Variants in NELL1 observed in about 807,000 individuals in gnomAD.
NELL1 encodes the protein neural EGFL like 1.
NELL1 carries 76 observed loss-of-function variants against 107.4 expected under a neutral mutation model. The observed-to-expected ratio is 0.71, with a 90% CI of 0.59 to 0.86. The LOEUF (loss-of-function observed/expected upper bound fraction) is 0.86, where lower values mean the gene tolerates loss of function less well. Among genes scored for constraint, NELL1 ranks in the 40% least tolerant of loss-of-function variants. The pLI, the probability that NELL1 is intolerant of heterozygous loss-of-function variation, is 0.00. For missense variants in NELL1, 1,024 were observed against 1,005.5 expected (o/e 1.02, Z -0.25); for synonymous variants, 353 against 341.2 (o/e 1.03, Z -0.38).
At chr11:20,905,349 A>G (rs1414990895) in intron 5 of NELL1, among the ~76,000 whole-genome samples, 1 of 152,176 alleles carries the variant, frequency 6.6e-6, no homozygotes, top group East Asian at 1.9e-4. Context: ...TAACATCCAA[A>G]TGTTCAGTGT....
At chr11:21,561,462 AC>A (rs1343444341) in intron 17 of NELL1, among the ~76,000 whole-genome samples, 1 of 152,038 alleles carries the variant, frequency 6.6e-6, no homozygotes, top group Non-Finnish European at 1.5e-5. Flanking sequence ...TATTTCAGCC[AC>A]CCTATAATTC....
At chr11:21,019,302 G>C (rs1368689126) in intron 12 of NELL1, among the ~76,000 whole-genome samples, 1 of 152,008 alleles carries the variant, frequency 6.6e-6, no homozygotes, top group African/African-American at 2.4e-5. Context: ...AGGAACATTG[G>C]ATCCCAAGCA....
chr11:21,486,618 G>A (rs1854639151), intron 15 of NELL1, among the ~76,000 whole-genome samples: 1 of 151,936 alleles, frequency 6.6e-6, no homozygotes, highest in African/African-American at 2.4e-5. Flanking sequence ...CTCTGGCAAT[G>A]GATCCCAATC....
chr11:20,717,859 A>G (rs539632205), intron 2 of NELL1, among the ~76,000 whole-genome samples: 2 of 152,316 alleles, frequency 1.3e-5, no homozygotes, highest in East Asian at 3.9e-4. Flanking sequence ...ATCAGTACCC[A>G]GCACAATGTG....
intron 14 of NELL1, among the ~76,000 whole-genome samples, chr11:21,242,325 G>A (rs575247801): frequency 5.9e-5 from 9 of 152,080 alleles, no homozygotes; most frequent in South Asian, 2.1e-4. Context: ...TTACCACTCC[G>A]TCAGAAGATG....
At chr11:21,123,862 T>C (rs1041423486) in intron 13 of NELL1, among the ~76,000 whole-genome samples, 2 of 152,192 alleles carry the variant, frequency 1.3e-5, no homozygotes, top group African/African-American at 2.4e-5. Context: ...TGGAACATAA[T>C]GCATATTAAA....
intron 13 of NELL1, among the ~76,000 whole-genome samples, chr11:21,194,629 T>C (rs1857115002): frequency 6.6e-6 from 1 of 152,166 alleles, no homozygotes. Flanking sequence ...TGGGAACTTA[T>C]TAGAAATCCA....
At chr11:20,678,800 A>T (rs1854124452) in intron 2 of NELL1, among the ~76,000 whole-genome samples, 1 of 152,194 alleles carries the variant, frequency 6.6e-6, no homozygotes, top group Non-Finnish European at 1.5e-5. Context: ...AAGGGCAAAG[A>T]CTTCATAATT....
chr11:21,213,305 G>A (rs1258894001), intron 13 of NELL1, among the ~76,000 whole-genome samples: 1 of 152,066 alleles, frequency 6.6e-6, no homozygotes, highest in African/African-American at 2.4e-5. Flanking sequence ...TTCTCCATAA[G>A]TTGATCTGTA....
At chr11:21,121,895 C>CAAAT (rs1295768672) in intron 13 of NELL1, among the ~76,000 whole-genome samples, 1 of 151,990 alleles carries the variant, frequency 6.6e-6, no homozygotes, top group Non-Finnish European at 1.5e-5. Context: ...CTGGAAAAGC[C>CAAAT]AAAGACCACA....
At chr11:21,482,922 T>A (rs1854529172) in intron 15 of NELL1, among the ~76,000 whole-genome samples, 2 of 152,110 alleles carry the variant, frequency 1.3e-5, no homozygotes, top group Non-Finnish European at 2.9e-5. Flanking sequence ...ATTGATGTGA[T>A]GGATTTATGG....
intron 12 of NELL1, among the ~76,000 whole-genome samples, chr11:20,980,993 A>G (rs1851738127): frequency 1.3e-5 from 2 of 152,200 alleles, no homozygotes; most frequent in African/African-American, 4.8e-5. Context: ...TTGTCAGCCT[A>G]GGTTCCTGAG....
rs536216482 is a variant in NELL1, at chr11:21,108,862, C to A, written c.1301-4727C>A. Among the ~76,000 whole-genome samples, 3 of 152,218 alleles carry A rather than the reference C, an allele frequency of 2.0e-5. No individual in the cohort carries two copies. The South Asian group carries it at 6.2e-4, about 32-fold the overall frequency. On this transcript the variant is annotated intron_variant, in intron 12 of 19. Transcript: ENST00000357134. ...ATGCCAGAACAAATTCATGAATGGC[C>A]TTGCACACGGATATAGAATTTGGAG...
intron 13 of NELL1, among the ~76,000 whole-genome samples, chr11:21,150,433 GA>G (rs1856087961): frequency 6.6e-6 from 1 of 152,168 alleles, no homozygotes; most frequent in African/African-American, 2.4e-5. Context: ...CCACCATGCA[GA>G]GTGTCCCTTG....
intron 12 of NELL1, among the ~76,000 whole-genome samples, chr11:21,001,760 G>A (rs1852227033): frequency 6.6e-6 from 1 of 151,504 alleles, no homozygotes; most frequent in African/African-American, 2.4e-5. Context: ...GGGGAGAGGT[G>A]GATTCTGTCT....
intron 2 of NELL1, among the ~76,000 whole-genome samples, chr11:20,687,706 C>T (rs1203849055): frequency 1.3e-5 from 2 of 151,980 alleles, no homozygotes; most frequent in South Asian, 2.1e-4. Flanking sequence ...ATTCTCCTAC[C>T]TCAGCCTCCT....
chr11:20,830,041 A>G (rs1857974139), intron 3 of NELL1, among the ~76,000 whole-genome samples: 1 of 151,908 alleles, frequency 6.6e-6, no homozygotes, highest in African/African-American at 2.4e-5. Flanking sequence ...TGGGAGGCTG[A>G]GGCAGGTGGA....
intron 12 of NELL1, among the ~76,000 whole-genome samples, chr11:21,004,966 G>T (rs1036838387): frequency 6.6e-6 from 1 of 152,030 alleles, no homozygotes; most frequent in African/African-American, 2.4e-5. Context: ...TGAGAAAACA[G>T]GCTTATATCA....
chr11:21,113,886 C>T (rs1855165617), intron 13 of NELL1, among the ~76,000 whole-genome samples, 172 bp downstream of exon 13: 1 of 151,930 alleles, frequency 6.6e-6, no homozygotes. Flanking sequence ...AAATTATCTG[C>T]ATAATTGATT....
Sources: allele counts gnomAD v4.1 joint callset (sites outside exome capture counted in the v4.1 genomes callset), GRCh38; gene constraint gnomAD v4.1.1; transcripts MANE v1.5; gene names NCBI Gene and HGNC (gene_info 2026-07-23, HGNC 2026-07-21).